Variants in DLG4 observed in about 807,000 individuals in gnomAD.
DLG4 encodes the protein disks large homolog 4.
A neutral mutation model predicts 93.8 loss-of-function variants in DLG4; 7 were observed. That is an observed-to-expected ratio of 0.07 (90% CI 0.04 to 0.14). The LOEUF (loss-of-function observed/expected upper bound fraction) is 0.14, where lower values mean the gene tolerates loss of function less well. DLG4 is among the 10% of genes least tolerant of loss of function. DLG4 has a pLI of 1.00. For missense variants in DLG4, 545 were observed against 992.9 expected (o/e 0.55, Z 6.06); for synonymous variants, 341 against 387.6 (o/e 0.88, Z 1.41).
At chr17:7,204,304 G>T (rs758612740) in intron 2 of DLG4, 52 bp from the exon 3 acceptor site, 14 of 1,521,242 alleles carry the variant, frequency 9.2e-6, no homozygotes, top group Non-Finnish European at 1.2e-5. Context: ...ACTCGAGAGG[G>T]AGCCCATAAC....
At chr17:7,204,682 T>C (rs182824777) in intron 2 of DLG4, among the ~76,000 whole-genome samples, 3 of 152,132 alleles carry the variant, frequency 2.0e-5, no homozygotes, top group African/African-American at 7.2e-5. Flanking sequence ...CCAGGGATCA[T>C]GTCCACCGGG....
rs977629554 is a variant in DLG4 at position 7,191,580 on chromosome 17, G to A, written c.1977-222C>T. On this transcript the variant is annotated intron_variant, in intron 18 of 19. Transcript: ENST00000399506. This position sits in a 1 kb window ranked among gnomAD's most constrained non-coding sequence, Gnocchi z 6.6. ...TGTGGCTACTCCAGGGACATCTACG[G>A]AGCTTCATCCTTCCAGCCTTCAGCC... is the stretch of plus-strand genomic sequence containing the variant. The A allele has an allele frequency of 6.7e-6, 4 of 600,242 alleles. No homozygotes were observed. The highest frequency in any genetic ancestry group is 5.6e-5 in the African/African-American group (3 of 53,788). 37.2% of individuals were successfully genotyped at this position (600,242 alleles called of 1,614,324 possible). A position where few individuals can be genotyped will look rare whatever the true frequency, so the allele number is the denominator to read the frequency against.
In DLG4 at chr17:7,196,347, AG is replaced by A; in HGVS notation, c.1187-14del. The stretch of plus-strand genomic sequence containing the variant: ...AATCGGCTGTACTCTGAGGAAGGAC[AG>A]GGAGGTTTCTGAGCTCTGTCCCCAT... On this transcript the variant is annotated splice_polypyrimidine_tract_variant and intron_variant, in intron 10 of 19. Coordinates refer to ENST00000399506, the MANE Select transcript of DLG4 (RefSeq NM_001321075.3). The surrounding 1 kb of genome is among the most constrained non-coding windows in gnomAD (Gnocchi z 8.3). The A allele has an allele frequency of 6.2e-7, 1 of 1,613,738 alleles. No homozygotes were observed. Among genetic ancestry groups the A allele is most frequent in the Non-Finnish European group, 8.5e-7 (1 of 1,179,652 alleles).
At chr17:7,202,741 A>C in intron 8 of DLG4, 162 bp downstream of exon 8, 1 of 890,988 alleles carries the variant, frequency 1.1e-6, no homozygotes, top group Non-Finnish European at 1.7e-6. Flanking sequence ...TTTTATGGTA[A>C]TTGATTTTCC....
chr17:7,208,111 G>A lies in DLG4; in HGVS notation c.96+63C>T, dbSNP rs1567547254. On this transcript the variant is annotated intron_variant, in intron 2 of 19. Transcript: ENST00000399506. This position sits in a 1 kb window ranked among gnomAD's most constrained non-coding sequence, Gnocchi z 5.4. ...AGAGGTGGGCGTGGCCCACGACCCC[G>A]TGGCCAGCCTCGAGGTGGGACAAGT... is the stretch of plus-strand genomic sequence containing the variant. The A allele has an allele frequency of 6.1e-6, 8 of 1,320,128 alleles. No individual in the cohort carries two copies. Among genetic ancestry groups the A allele is most frequent in the South Asian group, 2.9e-5 (1 of 35,024 alleles). The allele number at this position is 1,320,128 out of a possible 1,614,324, so 81.8% of individuals were successfully genotyped here. A position where few individuals can be genotyped will look rare whatever the true frequency, so the allele number is the denominator to read the frequency against.
chr17:7,213,682 T>G, intron 1 of DLG4: 1 of 450,434 alleles, frequency 2.2e-6, no homozygotes, highest in Admixed American at 2.5e-5. Flanking sequence ...TTCCAAATAT[T>G]CTCCCATTGA....
rs1359682391 is a variant in DLG4, at chr17:7,189,250, G to A, written c.*1458C>T. On this transcript the variant is annotated 3_prime_UTR_variant, in exon 20 of 20. Coordinates refer to ENST00000399506, the MANE Select transcript of DLG4 (RefSeq NM_001321075.3). ...CTCACGCCTGTAATCCCAGCACTTT[G>A]GGAGGCTGAGGCGGGTGGATAACAA... Among the ~76,000 whole-genome samples the A allele has an allele frequency of 6.6e-6, 1 of 151,864 alleles. No homozygotes were observed. The highest frequency in any genetic ancestry group is 1.5e-5 in the Non-Finnish European group (1 of 67,940).
intron 1 of DLG4, chr17:7,211,821 C>CGGGGGG (rs1318925894): frequency 2.7e-4 from 1 of 3,686 alleles, no homozygotes; most frequent in Non-Finnish European, 4.5e-4. Flanking sequence ...GAGGCTGCGG[C>CGGGGGG]GGGGGGGGGG....
chr17:7,217,019 G>A (rs1410527599), intron 1 of DLG4, 99 bp downstream of exon 1: 2 of 1,097,970 alleles, frequency 1.8e-6, no homozygotes, highest in Admixed American at 4.3e-5. Flanking sequence ...TACTTCTGAT[G>A]CTGCCACTCC....
Position 7,195,068 on chromosome 17 carries a change from G to A in DLG4, c.1302-573C>T, listed in dbSNP as rs547348001. Among the ~76,000 whole-genome samples, 2 of 152,038 alleles carry A rather than the reference G, an allele frequency of 1.3e-5. 1 individual carries two copies. The highest frequency in any genetic ancestry group is 4.8e-5 in the African/African-American group (2 of 41,462). On this transcript the variant is annotated intron_variant, in intron 11 of 19. Transcript: ENST00000399506. This position sits in a 1 kb window ranked among gnomAD's most constrained non-coding sequence, Gnocchi z 4.3. ...AAAGAAAAACAGAAAGCAGTGTGCAGTACACACGCACATCATAAAGTCACA... is the reference window on the plus strand; with the variant it reads ...AAAGAAAAACAGAAAGCAGTGTGCAATACACACGCACATCATAAAGTCACA...
intron 1 of DLG4, among the ~76,000 whole-genome samples, chr17:7,209,698 A>C (rs973527540): frequency 6.6e-6 from 1 of 152,068 alleles, no homozygotes; most frequent in East Asian, 1.9e-4. Context: ...TGAGCCCAAG[A>C]GGTGGAGGCT....
upstream of DLG4, chr17:7,217,674 G>T: frequency 2.0e-6 from 3 of 1,481,708 alleles, no homozygotes; most frequent in Non-Finnish European, 2.7e-6. Context: ...AGCCAGAATG[G>T]GGGGGGTGCC....
rs754521971 is a variant in DLG4 at position 7,203,480 on chromosome 17, C to T, written c.449G>A (p.Arg150His). Residue 150 changes from arginine (R) to histidine (H), a missense_variant, in exon 6 of 20, where the codon CGC (arginine) becomes CAC (histidine). Physicochemically the swap from Arg to His is conservative, Grantham distance 29. This residue lies in a region of DLG4 where 30 missense variants were observed against 36.1 expected (regional missense o/e 0.83). Transcript: ENST00000399506. The surrounding 1 kb of genome is among the most constrained non-coding windows in gnomAD (Gnocchi z 7.2). ...GACCTTCTCAGCCGGGGGCTTCCGGCGCATGACATAGAGGCGAACGATGGA... is the reference window on the plus strand; with the variant it reads ...GACCTTCTCAGCCGGGGGCTTCCGGTGCATGACATAGAGGCGAACGATGGA... ...AGSIVRLYVM[R>H]RKPPAEKVME... The T allele has an allele frequency of 1.9e-6, 3 of 1,612,768 alleles. No homozygotes were observed. The highest frequency in any genetic ancestry group is 1.3e-5 in the African/African-American group (1 of 74,898).
At chr17:7,210,953 T>C (rs2142915051) in intron 1 of DLG4, among the ~76,000 whole-genome samples, 2 of 151,468 alleles carry the variant, frequency 1.3e-5, no homozygotes, top group Non-Finnish European at 2.9e-5. Flanking sequence ...GGGAGGGTGG[T>C]GTCTGGCACT....
chr17:7,217,674 G>A (rs947456289), upstream of DLG4: 9 of 1,481,708 alleles, frequency 6.1e-6, no homozygotes, highest in South Asian at 7.2e-5. Context: ...AGCCAGAATG[G>A]GGGGGGTGCC....
intron 2 of DLG4, 30 bp from the exon 3 acceptor site, chr17:7,204,282 G>C: frequency 6.4e-7 from 1 of 1,557,894 alleles, no homozygotes; most frequent in South Asian, 1.2e-5. Flanking sequence ...ACAAAAAGCA[G>C]CCTGAGCCTT....
chr17:7,196,263 T>C lies in DLG4; in HGVS notation c.1258A>G (p.Thr420Ala). The change falls in exon 11 of 20, where the codon ACT (threonine) becomes GCT (alanine). Residue 420 changes from threonine to alanine, a missense_variant. By Grantham distance (58) the Thr-to-Ala change is moderately conservative (BLOSUM62 0). Coordinates refer to ENST00000399506, the MANE Select transcript of DLG4 (RefSeq NM_001321075.3). The surrounding 1 kb of genome is among the most constrained non-coding windows in gnomAD (Gnocchi z 8.3). ...TTGGGGTTGCTCCGCAGGGACGCAG[T>C]CCCTGAGCCCAGGCTGCTGTTCATG... The part of the protein sequence containing the change: ...QLMNSSLGSG[T>A]ASLRSNPKRG... The C allele has an allele frequency of 6.2e-7, 1 of 1,613,960 alleles. No individual in the cohort carries two copies. Among genetic ancestry groups the C allele is most frequent in the Non-Finnish European group, 8.5e-7 (1 of 1,179,870 alleles).
chr17:7,192,348 C>T (rs1185364655), intron 17 of DLG4: 8 of 282,048 alleles, frequency 2.8e-5, no homozygotes, highest in Non-Finnish European at 4.0e-5. Context: ...GTGACACAGG[C>T]GGGAAGGAAA....
In DLG4 at chr17:7,191,114, T is replaced by TGCCCGCCAGTGCTGGGATTACAGGC. The variant is rs2069472118; in HGVS notation, c.2068+128_2068+152dup. On this transcript the variant is annotated intron_variant, in intron 19 of 19. Coordinates refer to ENST00000399506, the MANE Select transcript of DLG4 (RefSeq NM_001321075.3). This position sits in a 1 kb window ranked among gnomAD's most constrained non-coding sequence, Gnocchi z 6.6. ...CCTACCGAGTAGCTGGGATTACAGGTGCCCGCCAGTGCTGGGATTACAGGC... is the reference window on the plus strand; with the variant it reads ...CCTACCGAGTAGCTGGGATTACAGGTGCCCGCCAGTGCTGGGATTACAGGCGCCCGCCAGTGCTGGGATTACAGGC... Among the ~76,000 whole-genome samples, 1 of 150,500 alleles carries TGCCCGCCAGTGCTGGGATTACAGGC rather than the reference T, an allele frequency of 6.6e-6. No individual in the cohort carries two copies.
Sources: allele counts gnomAD v4.1 joint callset (sites outside exome capture counted in the v4.1 genomes callset), GRCh38; gene constraint gnomAD v4.1.1; regional missense constraint gnomAD v4.1.1; non-coding constraint Gnocchi (gnomAD v3.1); transcripts MANE v1.5; gene names NCBI Gene and HGNC (gene_info 2026-07-23, HGNC 2026-07-21).